ZBTB38: variants seen among roughly 807,000 people sequenced by gnomAD.
ZBTB38 encodes the protein zinc finger and BTB domain containing 38, also known as zinc finger and BTB domain-containing protein 38.
ZBTB38 carries 20 observed loss-of-function variants against 76.8 expected under a neutral mutation model. The ratio of observed to expected loss-of-function variants is 0.26; its 90% CI spans 0.18 to 0.38. The LOEUF (loss-of-function observed/expected upper bound fraction) is 0.38. Ranked by LOEUF, ZBTB38 falls within the 10% of genes least tolerant of loss-of-function variation. The pLI is 1.00. For synonymous variants in ZBTB38, 504 were observed against 544.2 expected (o/e 0.93, Z 1.03); for missense variants, 1,082 against 1,482.3 (o/e 0.73, Z 4.43).
chr3:141,436,266 T>G (rs2078759056), intron 5 of ZBTB38, among the ~76,000 whole-genome samples: 1 of 152,184 alleles, frequency 6.6e-6, no homozygotes, highest in South Asian at 2.1e-4. Flanking sequence ...AGTAAGTATG[T>G]CTAAGATCTG....
At chr3:141,403,051 C>T (rs1184979315) in intron 4 of ZBTB38, 1 of 152,212 alleles carries the variant, frequency 6.6e-6, no homozygotes, top group African/African-American at 2.4e-5. Flanking sequence ...ACATACAACA[C>T]AACCGCCCGC....
intron 5 of ZBTB38, among the ~76,000 whole-genome samples, chr3:141,441,684 A>G (rs1463865450): frequency 6.6e-6 from 1 of 152,168 alleles, no homozygotes; most frequent in Non-Finnish European, 1.5e-5. Flanking sequence ...AGCTTTGCAT[A>G]TAGGTACCAC....
intron 5 of ZBTB38, among the ~76,000 whole-genome samples, chr3:141,412,157 G>A (rs1239685907): frequency 6.6e-6 from 1 of 152,084 alleles, no homozygotes; most frequent in Non-Finnish European, 1.5e-5. Context: ...AATAAGAAAA[G>A]TTCTGGTAAT....
intron 5 of ZBTB38, among the ~76,000 whole-genome samples, chr3:141,435,588 C>T (rs561444070): frequency 6.6e-5 from 10 of 151,586 alleles, no homozygotes; most frequent in Non-Finnish European, 8.8e-5. Context: ...GGTGAAACCC[C>T]GTCTCTACTA....
In ZBTB38 at chr3:141,391,049, A is replaced by G. The variant is rs144481003; in HGVS notation, c.-106+4112A>G. Among the ~76,000 whole-genome samples the G allele has an allele frequency of 5.9e-3, 898 of 152,240 alleles. 17 individuals carry two copies. Among genetic ancestry groups the G allele is most frequent in the Admixed American group, 0.035 (537 of 15,274 alleles). ...CTGGTGTGCACCTGTAGTCCTAGCT[A>G]TGCCGGAGGCTGAGGTAGGAGTATT... is the stretch of plus-strand genomic sequence containing the variant. On this transcript the variant is annotated intron_variant, in intron 4 of 5. Transcript: ENST00000321464.
chr3:141,365,068 C>CA (rs373550540), upstream of ZBTB38, among the ~76,000 whole-genome samples: 1,126 of 145,140 alleles, frequency 7.8e-3, 5 homozygotes, highest in Non-Finnish European at 0.013. Context: ...TGCATGTCCA[C>CA]AAAAAAAAAA....
At chr3:141,418,159 T>G (rs983841870) in intron 5 of ZBTB38, among the ~76,000 whole-genome samples, 1 of 152,110 alleles carries the variant, frequency 6.6e-6, no homozygotes, top group African/African-American at 2.4e-5. Flanking sequence ...GGGTGAGAAC[T>G]ATGGGACTAG....
chr3:141,391,317 G>T (rs113376397), intron 4 of ZBTB38, among the ~76,000 whole-genome samples: 1 of 152,162 alleles, frequency 6.6e-6, no homozygotes, highest in African/African-American at 2.4e-5. Flanking sequence ...AAGATCTGAC[G>T]TGGGGCATTA....
At chr3:141,421,278 CTTTTT>C (rs77094062) in intron 5 of ZBTB38, among the ~76,000 whole-genome samples, 100 of 125,670 alleles carry the variant, frequency 8.0e-4, no homozygotes, top group African/African-American at 2.7e-3. Flanking sequence ...AAACTTCTCT[CTTTTT>C]TTTTTTTTTT....
chr3:141,345,267 AC>A (rs1943315922), intron 1 of ZBTB38, among the ~76,000 whole-genome samples: 1 of 150,932 alleles, frequency 6.6e-6, no homozygotes, highest in South Asian at 2.1e-4. Flanking sequence ...AGATGGCAGA[AC>A]TTTTTTTTTT....
Position 141,413,206 on chromosome 3 carries a change from T to C in ZBTB38, c.-1+9175T>C, listed in dbSNP as rs1957256622. 6.6e-6 allele frequency among the ~76,000 whole-genome samples: 1 copy of C among 152,212 alleles called. No individual in the cohort carries two copies. The highest frequency in any genetic ancestry group is 1.5e-5 in the Non-Finnish European group (1 of 68,024). On this transcript the variant is annotated intron_variant, in intron 5 of 5. Coordinates refer to ENST00000321464, the MANE Select transcript of ZBTB38 (RefSeq NM_001376113.1). This position sits in a 1 kb window ranked among gnomAD's most constrained non-coding sequence, Gnocchi z 4.1. ...TCTCTGTACGCTGGTATTTTGCGCC[T>C]GGAGCCAGGTGTCTGTTGACAGTGG...
At chr3:141,431,341 A>ATATATATATAT (rs1553771300) in intron 5 of ZBTB38, among the ~76,000 whole-genome samples, 2 of 103,294 alleles carry the variant, frequency 1.9e-5, no homozygotes, top group African/African-American at 1.2e-4. Flanking sequence ...AAAAAAAAAA[A>ATATATATATAT]ATATATATAT....
At chr3:141,367,830 C>A (rs1258665079), upstream of ZBTB38, 1 of 152,194 alleles carries the variant, frequency 6.6e-6, no homozygotes, top group African/African-American at 2.4e-5. Context: ...GTGTCCTCTA[C>A]TATTTTATTT....
intron 5 of ZBTB38, among the ~76,000 whole-genome samples, chr3:141,415,898 C>G (rs2073922912): frequency 6.6e-6 from 1 of 152,104 alleles, no homozygotes; most frequent in African/African-American, 2.4e-5. Context: ...CAGGGAAGGT[C>G]CTATTTTAGG....
intron 5 of ZBTB38, chr3:141,431,835 A>G (rs1044464388): frequency 6.6e-6 from 1 of 152,498 alleles, no homozygotes. Context: ...CTGTCACACG[A>G]TGCCTTCTTG....
intron 1 of ZBTB38, among the ~76,000 whole-genome samples, chr3:141,352,559 C>T (rs1048714160): frequency 5.3e-5 from 8 of 152,078 alleles, no homozygotes; most frequent in East Asian, 3.9e-4. Flanking sequence ...AGGGTTGGCT[C>T]AAGGAATAGC....
chr3:141,427,814 A>G (rs980618027), intron 5 of ZBTB38: 6 of 152,326 alleles, frequency 3.9e-5, no homozygotes, highest in Non-Finnish European at 7.3e-5. Flanking sequence ...CAGACCAGTA[A>G]TAAGAAGGTA....
In ZBTB38 at chr3:141,442,300, A is replaced by G. The variant is rs1236100826; in HGVS notation, c.1-89A>G. On this transcript the variant is annotated intron_variant, in intron 5 of 5. Transcript: ENST00000321464. This position sits in a 1 kb window ranked among gnomAD's most constrained non-coding sequence, Gnocchi z 6.4. ...AAAAACCTGAAGTTTCATACAAAAG[A>G]ACAGTTTTTCACAGAAGTGGAAAAT... 1.4e-5 allele frequency: 14 copies of G among 978,832 alleles called. No individual in the cohort carries two copies. Among genetic ancestry groups the G allele is most frequent in the Non-Finnish European group, 2.0e-5 (13 of 652,560 alleles). The allele number at this position is 978,832 out of a possible 1,614,324, so 60.6% of individuals were successfully genotyped here.
chr3:141,357,523 G>T (rs1175955088), intron 1 of ZBTB38, among the ~76,000 whole-genome samples: 2 of 151,874 alleles, frequency 1.3e-5, no homozygotes, highest in African/African-American at 4.8e-5. Context: ...TGTTTTGTTT[G>T]TTTGTTCATT....
Sources: allele counts gnomAD v4.1 joint callset (sites outside exome capture counted in the v4.1 genomes callset), GRCh38; gene constraint gnomAD v4.1.1; non-coding constraint Gnocchi (gnomAD v3.1); transcripts MANE v1.5; gene names NCBI Gene and HGNC (gene_info 2026-07-23, HGNC 2026-07-21).